The following CLCN6 variants were observed in gnomAD, a reference collection of about 807,000 sequenced individuals.
CLCN6 encodes the protein Cl-/H+ antiporter 6, also known as H(+)/Cl(-) exchange transporter 6.
CLCN6 carries 70 observed loss-of-function variants against 109.8 expected under a neutral mutation model. The observed-to-expected ratio is 0.64, with a 90% CI of 0.53 to 0.78. The LOEUF (loss-of-function observed/expected upper bound fraction) is 0.78, where lower values mean the gene tolerates loss of function less well. Ranked by LOEUF, CLCN6 falls within the 30% of genes least tolerant of loss-of-function variation. The pLI is 0.00. For synonymous variants in CLCN6, 444 were observed against 447.8 expected (o/e 0.99, Z 0.11); for missense variants, 984 against 1,142.3 (o/e 0.86, Z 2.00).
chr1:11,822,546 T>C (rs374675137), intron 5 of CLCN6, 149 bp from the exon 6 acceptor site: 166 of 549,036 alleles, frequency 3.0e-4, no homozygotes, highest in Non-Finnish European at 4.4e-4. Flanking sequence ...CCCAGTCATC[T>C]CAGGCAGTTT....
Position 11,843,068 on chromosome 1 carries a change from C to T in CLCN6, c.*2845C>T, listed in dbSNP as rs1338004544. The stretch of plus-strand genomic sequence containing the variant: ...TTGTAAAATGCTATTTTTATTTGAA[C>T]CTTTGGAACTTGGGAGTTCTCATTG... On this transcript the variant is annotated 3_prime_UTR_variant, in exon 23 of 23. Transcript: ENST00000346436. The T allele has an allele frequency of 6.6e-6, 1 of 152,142 alleles. No individual in the cohort carries two copies. Among genetic ancestry groups the T allele is most frequent in the Non-Finnish European group, 1.5e-5 (1 of 68,020 alleles). The allele number at this position is 152,142 out of a possible 1,614,324, so 9.4% of individuals were successfully genotyped here.
Position 11,828,639 on chromosome 1 carries a change from G to T in CLCN6, c.1121+15G>T, listed in dbSNP as rs751812413. On this transcript the variant is annotated intron_variant, in intron 12 of 22. Coordinates refer to ENST00000346436, the MANE Select transcript of CLCN6 (RefSeq NM_001286.5). ...AAGCTCGTCAGGTATCTGCACAGTCGCCTCCCCCCCGAGCCTGCTGCGGCT... is the reference window on the plus strand; with the variant it reads ...AAGCTCGTCAGGTATCTGCACAGTCTCCTCCCCCCCGAGCCTGCTGCGGCT... 1 of 1,583,932 alleles carries T rather than the reference G, an allele frequency of 6.3e-7. No individual in the cohort carries two copies. The highest frequency in any genetic ancestry group is 1.7e-5 in the Admixed American group (1 of 57,264).
chr1:11,816,343 C>A (rs1644671524), intron 3 of CLCN6, among the ~76,000 whole-genome samples: 1 of 152,120 alleles, frequency 6.6e-6, no homozygotes, highest in African/African-American at 2.4e-5. Context: ...GGTCTAGAAC[C>A]AAACCCATGC....
rs368902990 is a variant in CLCN6 at position 11,822,695 on chromosome 1, C to T, written c.347C>T (p.Ser116Leu). The T allele has an allele frequency of 2.8e-5, 45 of 1,604,254 alleles. No individual in the cohort carries two copies. Among genetic ancestry groups the T allele is most frequent in the African/African-American group, 9.4e-5 (7 of 74,738 alleles). The change falls in exon 6 of 23, where the codon TCG (serine) becomes TTG (leucine). Residue 116 changes from serine to leucine, a missense_variant and splice_region_variant. Coordinates refer to ENST00000346436, the MANE Select transcript of CLCN6 (RefSeq NM_001286.5). The part of the protein sequence containing the change: ...TQLKFGVVQT[S>L]VEECSQKGCL... ...AGTTTCCTTAACCCAGTTTCCGCAG[C>T]GGTGGAGGAGTGCAGCCAGAAAGGC...
At chr1:11,837,658 G>A (rs933475429) in intron 20 of CLCN6, among the ~76,000 whole-genome samples, 159 bp downstream of exon 20, 4 of 152,184 alleles carry the variant, frequency 2.6e-5, no homozygotes, top group Admixed American at 1.3e-4. Flanking sequence ...GCCGGGTGGT[G>A]AGAAGCAACA....
intron 2 of CLCN6, among the ~76,000 whole-genome samples, chr1:11,814,829 G>C (rs567858363): frequency 6.6e-6 from 1 of 152,026 alleles, no homozygotes; most frequent in Non-Finnish European, 1.5e-5. Flanking sequence ...TCAGGAGATC[G>C]AGACCATCCT....
chr1:11,834,043 T>A lies in CLCN6; in HGVS notation c.1526+13T>A. On this transcript the variant is annotated intron_variant, in intron 15 of 22. Transcript: ENST00000346436. The surrounding 1 kb of genome is among the most constrained non-coding windows in gnomAD (Gnocchi z 4.5). Reference sequence around the variant, plus strand: ...ATGTCCTAAAAAGGTACTCTGTGTGTGTGCGTGTGTGTGCGCATGTGCATG... The same window carrying A: ...ATGTCCTAAAAAGGTACTCTGTGTGAGTGCGTGTGTGTGCGCATGTGCATG... The A allele has an allele frequency of 6.2e-7, 1 of 1,612,658 alleles. No individual in the cohort carries two copies. The highest frequency in any genetic ancestry group is 8.5e-7 in the Non-Finnish European group (1 of 1,179,204).
chr1:11,823,962 T>C (rs1415419481), intron 7 of CLCN6, 129 bp downstream of exon 7: 3 of 1,158,634 alleles, frequency 2.6e-6, no homozygotes, highest in African/African-American at 1.6e-5. Flanking sequence ...GCACTTTTTG[T>C]TGATGGGCTG....
At position 11,829,210 on chromosome 1, in the gene CLCN6, T is replaced by A. The variant is rs1644850458; in HGVS notation, c.1136T>A (p.Leu379His). ...TTGCCTCCTAGAGTCTTAGAGAGCC[T>A]CCTTGTGTCTCTGGTAACCACCGTG... ...KPKLVRVLES[L>H]LVSLVTTVVV... The change falls in exon 13 of 23, where the codon CTC becomes CAC. Residue 379 changes from leucine to histidine, a missense_variant. Physicochemically the swap from Leu to His is moderately conservative, Grantham distance 99 (BLOSUM62 -3). Coordinates refer to ENST00000346436, the MANE Select transcript of CLCN6 (RefSeq NM_001286.5). 1 of 1,613,946 alleles carries A rather than the reference T, an allele frequency of 6.2e-7. No homozygotes were observed.
In CLCN6 at chr1:11,829,235, G is replaced by A. The variant is rs1440884581; in HGVS notation, c.1161G>A (p.Val387=). Residue 387 remains valine, a synonymous_variant, in exon 13 of 23, where the codon GTG becomes GTA. Coordinates refer to ENST00000346436, the MANE Select transcript of CLCN6 (RefSeq NM_001286.5). ...TCCTTGTGTCTCTGGTAACCACCGT[G>A]GTGGTGTTTGTGGCCTCGATGGTGT... The part of the protein sequence containing the change: ...ESLLVSLVTT[V]VVFVASMVLG... 6.2e-7 allele frequency: 1 copy of A among 1,614,020 alleles called. No individual in the cohort carries two copies. The highest frequency in any genetic ancestry group is 8.5e-7 in the Non-Finnish European group (1 of 1,180,020).
intron 2 of CLCN6, among the ~76,000 whole-genome samples, chr1:11,807,801 GT>G (rs796125753): frequency 3.2e-4 from 49 of 152,168 alleles, no homozygotes; most frequent in African/African-American, 1.2e-3. Context: ...ACCTTACTAA[GT>G]ATCTTTCTAC....
chr1:11,813,493 C>T (rs1307080761), intron 2 of CLCN6, among the ~76,000 whole-genome samples: 3 of 151,662 alleles, frequency 2.0e-5, no homozygotes, highest in Admixed American at 6.6e-5. Flanking sequence ...TGGGTTCAAG[C>T]GATTCTCCTG....
chr1:11,807,064 A>G (rs1316301487), intron 1 of CLCN6, 67 bp from the exon 2 acceptor site: 2 of 1,372,912 alleles, frequency 1.5e-6, no homozygotes, highest in South Asian at 2.3e-5. Context: ...TGATTTCAGT[A>G]AATACTTCTG....
chr1:11,821,104 CAAAA>C (rs1644737506), intron 5 of CLCN6, among the ~76,000 whole-genome samples: 20 of 146,486 alleles, frequency 1.4e-4, no homozygotes, highest in Non-Finnish European at 2.7e-4. Context: ...AAAAAACAAA[CAAAA>C]TCAATAAATT....
chr1:11,827,327 C>T, intron 10 of CLCN6, 106 bp downstream of exon 10: 4 of 1,138,294 alleles, frequency 3.5e-6, no homozygotes, highest in Middle Eastern at 3.1e-4. Flanking sequence ...GGGGGGTCAA[C>T]TGGATCAGAA....
intron 13 of CLCN6, among the ~76,000 whole-genome samples, chr1:11,831,787 G>T (rs111859612): frequency 1.3e-5 from 2 of 152,072 alleles, no homozygotes; most frequent in African/African-American, 4.8e-5. Flanking sequence ...GGGCTCAAGC[G>T]ATCCTCCCAT....
In CLCN6 at chr1:11,814,768, C is replaced by T. The variant is rs1475511726; in HGVS notation, c.148-1078C>T. Reference sequence around the variant, plus strand: ...TGGAAGTTGGCCAGGCGCAGTGGCTCATGCCTGTAATCCCAGCACTTTGGG... The same window carrying T: ...TGGAAGTTGGCCAGGCGCAGTGGCTTATGCCTGTAATCCCAGCACTTTGGG... On this transcript the variant is annotated intron_variant, in intron 2 of 22. Transcript: ENST00000346436. 5.9e-5 allele frequency among the ~76,000 whole-genome samples: 9 copies of T among 152,058 alleles called. No homozygotes were observed. In the South Asian group the frequency reaches 1.7e-3, roughly 28 times the overall value.
intron 2 of CLCN6, among the ~76,000 whole-genome samples, chr1:11,809,229 T>C (rs773087128): frequency 2.4e-4 from 36 of 152,154 alleles, no homozygotes; most frequent in Non-Finnish European, 8.8e-5. Flanking sequence ...TAGTATAAGA[T>C]ACTCCATATT....
In CLCN6 at chr1:11,834,038, G is replaced by C. The variant is rs767112328; in HGVS notation, c.1526+8G>C. 20 of 1,612,570 alleles carry C rather than the reference G, an allele frequency of 1.2e-5. 1 individual carries two copies. In the South Asian group the frequency reaches 2.1e-4, roughly 17 times the overall value. ...TGCCAATGTCCTAAAAAGGTACTCT[G>C]TGTGTGTGCGTGTGTGTGCGCATGT... is the stretch of plus-strand genomic sequence containing the variant. On this transcript the variant is annotated splice_region_variant and intron_variant, in intron 15 of 22. Transcript: ENST00000346436. This position sits in a 1 kb window ranked among gnomAD's most constrained non-coding sequence, Gnocchi z 4.5.
Sources: allele counts gnomAD v4.1 joint callset (sites outside exome capture counted in the v4.1 genomes callset), GRCh38; gene constraint gnomAD v4.1.1; non-coding constraint Gnocchi (gnomAD v3.1); transcripts MANE v1.5; gene names NCBI Gene and HGNC (gene_info 2026-07-23, HGNC 2026-07-21).